NCAPG: variants seen among roughly 807,000 people sequenced by gnomAD.
NCAPG encodes the protein non-SMC condensin I complex subunit G, also known as condensin complex subunit 3.
NCAPG carries 69 observed loss-of-function variants against 113.1 expected under a neutral mutation model. The ratio of observed to expected loss-of-function variants is 0.61; its 90% CI spans 0.50 to 0.75. The LOEUF is 0.75. NCAPG is among the 30% of genes least tolerant of loss of function. The pLI, the probability that NCAPG is intolerant of heterozygous loss-of-function variation, is 0.00. For missense variants in NCAPG, 1,058 were observed against 1,177.0 expected, an observed-to-expected ratio of 0.90 and a Z score of 1.48; for synonymous variants, 370 against 415.8, an observed-to-expected ratio of 0.89 and a Z score of 1.34.
rs73802703 is a variant in NCAPG, at chr4:17,828,741, C to T, written c.1764+353C>T. 3.6e-3 allele frequency among the ~76,000 whole-genome samples: 552 copies of T among 152,122 alleles called. 3 individuals are homozygous for T. Among genetic ancestry groups the T allele is most frequent in the African/African-American group, 0.012 (509 of 41,512 alleles). ...CTACGTAATGAGACTGAGACAATCACATTTTATGCCCTGGGAAAGGAATTT... is the reference window on the plus strand; with the variant it reads ...CTACGTAATGAGACTGAGACAATCATATTTTATGCCCTGGGAAAGGAATTT... On this transcript the variant is annotated intron_variant, in intron 12 of 20. Transcript: ENST00000251496.
chr4:17,816,585 G>T (rs1446216806), intron 5 of NCAPG, among the ~76,000 whole-genome samples: 1 of 152,198 alleles, frequency 6.6e-6, no homozygotes, highest in Non-Finnish European at 1.5e-5. Flanking sequence ...ACTAAGGTTT[G>T]TTCAGTGACG....
intron 5 of NCAPG, 105 bp downstream of exon 5, chr4:17,815,463 T>C (rs1730438785): frequency 4.1e-6 from 3 of 724,350 alleles, no homozygotes; most frequent in Non-Finnish European, 6.9e-6. Flanking sequence ...AGCCTGCCAG[T>C]CCCATGAACC....
intron 13 of NCAPG, among the ~76,000 whole-genome samples, chr4:17,833,620 C>T (rs901040883): frequency 5.3e-5 from 8 of 150,840 alleles, no homozygotes; most frequent in African/African-American, 2.0e-4. Context: ...CTTAATTTCT[C>T]ACTATATATA....
chr4:17,826,835 C>A (rs373621036), intron 11 of NCAPG, among the ~76,000 whole-genome samples: 50 of 152,262 alleles, frequency 3.3e-4, no homozygotes, highest in East Asian at 1.2e-3. Flanking sequence ...ATAAAAATAA[C>A]AATATAATCT....
intron 3 of NCAPG, 139 bp from the exon 4 acceptor site, chr4:17,814,714 G>C: frequency 1.0e-6 from 1 of 963,126 alleles, no homozygotes; most frequent in Non-Finnish European, 1.5e-6. Flanking sequence ...CCAAAGTGCT[G>C]GTTATAGGCA....
rs983674630 is a variant in NCAPG at position 17,829,211 on chromosome 4, A to G, written c.1764+823A>G. Among the ~76,000 whole-genome samples the G allele has an allele frequency of 5.8e-4, 88 of 152,180 alleles. 4 individuals carry two copies. On this transcript the variant is annotated intron_variant, in intron 12 of 20. Transcript: ENST00000251496. ...TGTTGTTGTTGTTGTTTTTGATAGT[A>G]CTACTCATTCAAAGCAAATTCTGTA...
intron 19 of NCAPG, 99 bp from the exon 20 acceptor site, chr4:17,842,208 ATTG>A: frequency 2.1e-6 from 2 of 948,704 alleles, no homozygotes; most frequent in Non-Finnish European, 3.3e-6. Flanking sequence ...TGTTGAAAGG[ATTG>A]TTGTGTTGAA....
intron 12 of NCAPG, among the ~76,000 whole-genome samples, chr4:17,829,691 G>T (rs1342725440): frequency 2.0e-5 from 3 of 152,172 alleles, no homozygotes; most frequent in East Asian, 1.9e-4. Context: ...TTTTTATGAA[G>T]TTACTGTGTT....
At chr4:17,817,206 A>C in intron 5 of NCAPG, 55 bp from the exon 6 acceptor site, 9 of 1,295,604 alleles carry the variant, frequency 6.9e-6, no homozygotes, top group African/African-American at 1.5e-5. Flanking sequence ...ACAAAATACA[A>C]GAGATGGAAG....
intron 14 of NCAPG, among the ~76,000 whole-genome samples, chr4:17,835,960 G>T (rs76829955): frequency 0.12 from 18,612 of 152,186 alleles, 1,243 homozygotes; most frequent in South Asian, 0.24. Flanking sequence ...TGTTTGAGTA[G>T]CTGTTTCAAT....
intron 13 of NCAPG, among the ~76,000 whole-genome samples, chr4:17,832,217 T>A (rs1721891888): frequency 6.6e-6 from 1 of 152,174 alleles, no homozygotes; most frequent in African/African-American, 2.4e-5. Context: ...TGTTTGCAGA[T>A]CCCTAGTATT....
intron 9 of NCAPG, 29 bp from the exon 10 acceptor site, chr4:17,824,939 A>G (rs1721598222): frequency 6.7e-7 from 1 of 1,501,810 alleles, no homozygotes; most frequent in Middle Eastern, 1.7e-4. Flanking sequence ...TATCAAACAT[A>G]TATTAAAGCA....
chr4:17,839,192 CT>C (rs1405291340), intron 16 of NCAPG, among the ~76,000 whole-genome samples: 4 of 152,170 alleles, frequency 2.6e-5, no homozygotes, highest in African/African-American at 9.7e-5. Flanking sequence ...AGTTCAACTA[CT>C]GCTATGCAAA....
Position 17,831,126 on chromosome 4 carries a change from A to G in NCAPG, c.1884+10A>G, listed in dbSNP as rs778077985. 1 of 1,610,736 alleles carries G rather than the reference A, an allele frequency of 6.2e-7. No individual in the cohort carries two copies. Among genetic ancestry groups the G allele is most frequent in the Admixed American group, 1.7e-5 (1 of 59,248 alleles). On this transcript the variant is annotated intron_variant, in intron 13 of 20. Coordinates refer to ENST00000251496, the MANE Select transcript of NCAPG (RefSeq NM_022346.5). ...CGTATTACTATTGCAGGTAGGATTT[A>G]TCTTGTGATAAATCTCAACTGTATT...
At chr4:17,816,058 TTTC>T (rs887197242) in intron 5 of NCAPG, among the ~76,000 whole-genome samples, 4 of 148,896 alleles carry the variant, frequency 2.7e-5, no homozygotes, top group Non-Finnish European at 4.5e-5. Context: ...CCAGTATAAT[TTTC>T]TTATTTTTTT....
At chr4:17,828,659 A>T (rs948643576) in intron 12 of NCAPG, among the ~76,000 whole-genome samples, 3 of 152,124 alleles carry the variant, frequency 2.0e-5, no homozygotes, top group Non-Finnish European at 4.4e-5. Flanking sequence ...TCATTTTTTG[A>T]ATAGTAAGAG....
intron 12 of NCAPG, 65 bp from the exon 13 acceptor site, chr4:17,830,932 T>C (rs1721843791): frequency 6.6e-7 from 1 of 1,509,780 alleles, no homozygotes; most frequent in East Asian, 2.3e-5. Flanking sequence ...ACCTTTGAGG[T>C]AATAGACAAT....
intron 13 of NCAPG, 38 bp downstream of exon 13, chr4:17,831,154 C>T (rs745630998): frequency 1.3e-6 from 2 of 1,596,110 alleles, no homozygotes; most frequent in Admixed American, 1.7e-5. Context: ...ACTGTATTTC[C>T]TGAAATACTC....
At chr4:17,824,240 TGTATTGCTTGATAAATACAGAAATAA>T (rs1405399962) in intron 9 of NCAPG, among the ~76,000 whole-genome samples, 1 of 152,188 alleles carries the variant, frequency 6.6e-6, no homozygotes, top group East Asian at 1.9e-4. Context: ...GGTATTGTTC[TGTATTGCTTGATAAATACAGAAATAA>T]TTGTTTACTA....
Sources: allele counts gnomAD v4.1 joint callset (sites outside exome capture counted in the v4.1 genomes callset), GRCh38; gene constraint gnomAD v4.1.1; transcripts MANE v1.5; gene names NCBI Gene and HGNC (gene_info 2026-07-23, HGNC 2026-07-21).